Variants in GRM7 observed in about 807,000 individuals in gnomAD.
GRM7 encodes glutamate metabotropic receptor 7, also known as metabotropic glutamate receptor 7.
GRM7 carries 35 observed loss-of-function variants against 84.5 expected under a neutral mutation model. The ratio of observed to expected loss-of-function variants is 0.41; its 90% CI spans 0.32 to 0.55. The LOEUF is 0.55. GRM7 is among the 20% of genes least tolerant of loss of function. The pLI is 0.19. For synonymous variants in GRM7, 487 were observed against 455.1 expected, an observed-to-expected ratio of 1.07 and a Z score of -0.89; for missense variants, 1,003 against 1,194.6, an observed-to-expected ratio of 0.84 and a Z score of 2.36.
chr3:6,966,065 C>T (rs146386708), intron 1 of GRM7, among the ~76,000 whole-genome samples: 1 of 152,194 alleles, frequency 6.6e-6, no homozygotes, highest in Non-Finnish European at 1.5e-5. Context: ...AAGGAATGCA[C>T]ATATCACGAG....
intron 1 of GRM7, among the ~76,000 whole-genome samples, chr3:7,078,843 C>T (rs1359076312): frequency 6.9e-6 from 1 of 144,656 alleles, no homozygotes; most frequent in Non-Finnish European, 1.5e-5. Flanking sequence ...CCTTTTGGAA[C>T]TCTGAGTTTG....
chr3:7,075,824 C>T (rs112473851), intron 1 of GRM7, among the ~76,000 whole-genome samples: 2,819 of 152,176 alleles, frequency 0.019, 92 homozygotes, highest in African/African-American at 0.065. Context: ...CTGTGCCTGG[C>T]TAGATGTACA....
intron 7 of GRM7, among the ~76,000 whole-genome samples, chr3:7,568,337 A>G (rs533902857): frequency 6.6e-6 from 1 of 152,214 alleles, no homozygotes; most frequent in Non-Finnish European, 1.5e-5. Context: ...GCTTTATTGG[A>G]TTTACACTTC....
chr3:7,095,727 C>T (rs912258701), intron 1 of GRM7, among the ~76,000 whole-genome samples: 1 of 151,910 alleles, frequency 6.6e-6, no homozygotes, highest in African/African-American at 2.4e-5. Flanking sequence ...GTATTTTGTT[C>T]TAAAAAAATT....
chr3:7,274,662 G>T (rs1178386724), intron 2 of GRM7, among the ~76,000 whole-genome samples: 1 of 151,874 alleles, frequency 6.6e-6, no homozygotes, highest in Non-Finnish European at 1.5e-5. Context: ...TTCTCTACAG[G>T]TACACTGTTT....
chr3:7,665,427 G>A (rs976935123), intron 8 of GRM7, among the ~76,000 whole-genome samples: 8 of 151,642 alleles, frequency 5.3e-5, no homozygotes, highest in East Asian at 1.9e-4. Context: ...CACCCGCCTC[G>A]GCCTCCCAAA....
At chr3:6,981,441 A>G (rs1334725716) in intron 1 of GRM7, among the ~76,000 whole-genome samples, 5 of 152,188 alleles carry the variant, frequency 3.3e-5, no homozygotes, top group Non-Finnish European at 7.3e-5. Context: ...AGGCTCCATG[A>G]GTATCTTCGT....
intron 2 of GRM7, among the ~76,000 whole-genome samples, chr3:7,168,552 C>A (rs1483439586): frequency 6.6e-6 from 1 of 152,162 alleles, no homozygotes; most frequent in Admixed American, 6.5e-5. Context: ...GCACTTTGAT[C>A]TTAGACTCTC....
At position 7,024,066 on chromosome 3, in the gene GRM7, A is replaced by G. The variant is rs61303348; in HGVS notation, c.520-122386A>G. Among the ~76,000 whole-genome samples the G allele has an allele frequency of 4.7e-3, 711 of 152,306 alleles. 3 individuals are homozygous for G. Among genetic ancestry groups the G allele is most frequent in the African/African-American group, 0.016 (670 of 41,560 alleles). On this transcript the variant is annotated intron_variant, in intron 1 of 9. Coordinates refer to ENST00000357716, the MANE Select transcript of GRM7 (RefSeq NM_000844.4). The stretch of plus-strand genomic sequence containing the variant: ...CTCCCTTACAGGACAACTCGGTTCA[A>G]GTGGCTCCGGTAACTTCTCTTTTTC...
intron 8 of GRM7, among the ~76,000 whole-genome samples, chr3:7,640,148 AG>A (rs1698300107): frequency 6.6e-6 from 1 of 152,206 alleles, no homozygotes; most frequent in African/African-American, 2.4e-5. Flanking sequence ...TGCCCTACAC[AG>A]GGTTTTACAT....
intron 5 of GRM7, among the ~76,000 whole-genome samples, chr3:7,434,105 C>T (rs1276388063): frequency 6.6e-6 from 1 of 152,104 alleles, no homozygotes; most frequent in Non-Finnish European, 1.5e-5. Context: ...ATAGTATCAT[C>T]GTAATTCTTT....
chr3:7,519,353 C>A (rs1181664734), intron 7 of GRM7, among the ~76,000 whole-genome samples: 24 of 148,468 alleles, frequency 1.6e-4, no homozygotes, highest in Non-Finnish European at 3.3e-4. Flanking sequence ...CAAAGAGAGA[C>A]CCTGTCTAAA....
intron 4 of GRM7, among the ~76,000 whole-genome samples, chr3:7,354,030 CA>C (rs1264641800): frequency 6.6e-6 from 1 of 152,120 alleles, no homozygotes; most frequent in Non-Finnish European, 1.5e-5. Flanking sequence ...ATCATAAAAA[CA>C]GAGAATTTTT....
chr3:7,308,262 C>CATGTT lies in GRM7; in HGVS notation c.1033+1611_1033+1612insTGTTA, dbSNP rs35694569. On this transcript the variant is annotated intron_variant, in intron 4 of 9. Transcript: ENST00000357716. ...TGACTTCTATTTATTTTGGGGGTCT[C>CATGTT]AGATGTTAATTTTTCATGGGAGCCA... is the stretch of plus-strand genomic sequence containing the variant. 5.6e-3 allele frequency among the ~76,000 whole-genome samples: 844 copies of CATGTT among 151,510 alleles called. 5 individuals carry two copies. The highest frequency in any genetic ancestry group is 0.02 in the African/African-American group (808 of 41,252).
chr3:6,883,364 T>C (rs1695582611), intron 1 of GRM7, among the ~76,000 whole-genome samples: 1 of 152,154 alleles, frequency 6.6e-6, no homozygotes, highest in Non-Finnish European at 1.5e-5. Flanking sequence ...TTCTTTAATA[T>C]TGTCTAGTCT....
chr3:7,453,851 G>T (rs894424267), intron 6 of GRM7, among the ~76,000 whole-genome samples: 2 of 152,100 alleles, frequency 1.3e-5, no homozygotes, highest in African/African-American at 2.4e-5. Context: ...ATCCTTCTTG[G>T]TCTATCTGTG....
At chr3:7,610,540 A>C (rs1696803923) in intron 8 of GRM7, among the ~76,000 whole-genome samples, 1 of 152,172 alleles carries the variant, frequency 6.6e-6, no homozygotes, top group African/African-American at 2.4e-5. Flanking sequence ...CACTACTTAG[A>C]ATTTAACAAT....
At chr3:6,923,494 C>T (rs548145298) in intron 1 of GRM7, among the ~76,000 whole-genome samples, 2 of 152,270 alleles carry the variant, frequency 1.3e-5, no homozygotes, top group South Asian at 4.1e-4. Flanking sequence ...ATGTCTGTAA[C>T]ATTGGATTAA....
chr3:7,340,801 C>G (rs1022217585), intron 4 of GRM7, among the ~76,000 whole-genome samples: 22 of 152,052 alleles, frequency 1.4e-4, no homozygotes, highest in African/African-American at 4.8e-4. Flanking sequence ...TGACCAGGAG[C>G]CTTAAGTGAA....
Sources: gnomAD v4.1 joint callset for allele counts (sites outside exome capture counted in the v4.1 genomes callset) on GRCh38, gnomAD v4.1.1 for gene constraint, MANE v1.5 for transcripts, NCBI Gene and HGNC (gene_info 2026-07-23, HGNC 2026-07-21) for gene names.